TYW1: variants seen among roughly 807,000 people sequenced by gnomAD.
The protein encoded by TYW1 is tRNA-yW synthesizing protein 1 homolog.
In TYW1, 46 loss-of-function variants were observed where a neutral mutation model predicts 96.2. That is an observed-to-expected ratio of 0.48 (90% CI 0.38 to 0.61). TYW1 has a LOEUF of 0.61. TYW1 is among the 20% of genes least tolerant of loss of function. The pLI, the probability that TYW1 is intolerant of heterozygous loss-of-function variation, is 0.00. For synonymous variants in TYW1, 274 were observed against 323.0 expected, an observed-to-expected ratio of 0.85 and a Z score of 1.63; for missense variants, 684 against 909.6, an observed-to-expected ratio of 0.75 and a Z score of 3.19.
chr7:67,082,445 G>T (rs1796418140), intron 10 of TYW1, among the ~76,000 whole-genome samples: 1 of 152,184 alleles, frequency 6.6e-6, no homozygotes, highest in African/African-American at 2.4e-5. Flanking sequence ...GACTGTGGGT[G>T]TTTGTGGAGG....
intron 15 of TYW1, among the ~76,000 whole-genome samples, chr7:67,197,274 T>G (rs565972215): frequency 1.1e-4 from 17 of 152,298 alleles, no homozygotes; most frequent in African/African-American, 3.1e-4. Flanking sequence ...GCCAAGTGTA[T>G]TTTTAAATCC....
intron 13 of TYW1, among the ~76,000 whole-genome samples, chr7:67,153,695 A>G (rs1237757453): frequency 6.6e-6 from 1 of 152,194 alleles, no homozygotes; most frequent in Non-Finnish European, 1.5e-5. Flanking sequence ...AGGAGTATCT[A>G]TTTATAATTT....
intron 11 of TYW1, among the ~76,000 whole-genome samples, chr7:67,086,388 G>A (rs897809553): frequency 6.6e-6 from 1 of 152,148 alleles, no homozygotes; most frequent in Non-Finnish European, 1.5e-5. Flanking sequence ...CCTTTGGAGA[G>A]TGTGTTAGGG....
chr7:67,017,925 T>G lies in TYW1; in HGVS notation c.643T>G (p.Cys215Gly). ...HRVMSRGEGD[C>G]DVVKSKHGSI... ...TGTGATGAGTCGAGGGGAGGGCGAC[T>G]GCGACGTGGTTAAAAGCAAGCACGG... is the stretch of plus-strand genomic sequence containing the variant. Residue 215 changes from cysteine to glycine, a missense_variant, in exon 6 of 16, where the codon TGC becomes GGC. By Grantham distance (159) the Cys-to-Gly change is radical (BLOSUM62 -3). Coordinates refer to ENST00000359626, the MANE Select transcript of TYW1 (RefSeq NM_018264.4). 6.2e-7 allele frequency: 1 copy of G among 1,614,158 alleles called. No individual in the cohort carries two copies. The highest frequency in any genetic ancestry group is 1.3e-5 in the African/African-American group (1 of 75,030).
At chr7:67,118,497 T>A (rs1186692847) in intron 13 of TYW1, among the ~76,000 whole-genome samples, 1 of 152,104 alleles carries the variant, frequency 6.6e-6, no homozygotes, top group Non-Finnish European at 1.5e-5. Context: ...GTGTGACTTT[T>A]AATTGTTTTA....
At chr7:67,157,073 A>G (rs1584631778) in intron 13 of TYW1, among the ~76,000 whole-genome samples, 1 of 152,028 alleles carries the variant, frequency 6.6e-6, no homozygotes, top group African/African-American at 2.4e-5. Flanking sequence ...TCTACTTGCT[A>G]TTCTGGTCCT....
intron 13 of TYW1, among the ~76,000 whole-genome samples, chr7:67,153,384 A>T (rs1049615272): frequency 1.3e-5 from 2 of 152,136 alleles, no homozygotes; most frequent in African/African-American, 4.8e-5. Context: ...TGAACATGGG[A>T]GGTGGAGGTT....
At chr7:67,147,984 A>T (rs1489067062) in intron 13 of TYW1, among the ~76,000 whole-genome samples, 3 of 151,986 alleles carry the variant, frequency 2.0e-5, no homozygotes, top group Admixed American at 2.0e-4. Flanking sequence ...CAAATCAGAG[A>T]TTATTGATGC....
chr7:67,194,795 G>A (rs554208522), intron 14 of TYW1, among the ~76,000 whole-genome samples: 27 of 148,178 alleles, frequency 1.8e-4, no homozygotes, highest in Non-Finnish European at 3.7e-4. Context: ...CCCCATTATT[G>A]TCCTAAGGGG....
Position 67,081,236 on chromosome 7 carries a change from T to TA in TYW1, c.1275-2194_1275-2193insA, listed in dbSNP as rs1265352063. Among the ~76,000 whole-genome samples, 48 of 137,268 alleles carry TA rather than the reference T, an allele frequency of 3.5e-4. 2 individuals carry two copies. The South Asian group carries it at 0.011, about 32-fold the overall frequency. The allele number at this position is 137,268 out of a possible 152,430, so 90.1% of individuals were successfully genotyped here. ...CTTGGTGGTCTTTTTTTTTTTTTTT[T>TA]TTTCCAGCCCTTAGAATATATCATC... On this transcript the variant is annotated intron_variant, in intron 10 of 15. Transcript: ENST00000359626.
chr7:67,153,565 G>C (rs1563043901), intron 13 of TYW1, among the ~76,000 whole-genome samples: 3 of 152,196 alleles, frequency 2.0e-5, no homozygotes, highest in Admixed American at 1.3e-4. Flanking sequence ...AATGTAGTCT[G>C]TTTTTAAGGA....
chr7:67,157,220 C>A (rs1232698160), intron 13 of TYW1, among the ~76,000 whole-genome samples: 1 of 152,110 alleles, frequency 6.6e-6, no homozygotes, highest in African/African-American at 2.4e-5. Flanking sequence ...CAGCACACAC[C>A]GTTTCTGTTA....
intron 15 of TYW1, among the ~76,000 whole-genome samples, chr7:67,199,529 A>C (rs1025909173): frequency 6.6e-6 from 1 of 152,188 alleles, no homozygotes; most frequent in Non-Finnish European, 1.5e-5. Context: ...TGCCTGATAA[A>C]ATGTTTTATT....
At position 66,998,854 on chromosome 7, in the gene TYW1, C is replaced by T. The variant is rs779541864; in HGVS notation, c.173C>T (p.Ala58Val). Residue 58 changes from alanine to valine, a missense_variant, in exon 3 of 16, where the codon GCT becomes GTT. Coordinates refer to ENST00000359626, the MANE Select transcript of TYW1 (RefSeq NM_018264.4). ...CAGGAAAAATCTGTTCCAAAAGCAG[C>T]TCAGGATTTGATGACAAATGGTTAT... is the stretch of plus-strand genomic sequence containing the variant. The part of the protein sequence containing the change: ...NLQEKSVPKA[A>V]QDLMTNGYVS... 40 of 1,614,130 alleles carry T rather than the reference C, an allele frequency of 2.5e-5. No homozygotes were observed. Among genetic ancestry groups the T allele is most frequent in the Non-Finnish European group, 3.4e-5 (40 of 1,180,022 alleles).
intron 13 of TYW1, among the ~76,000 whole-genome samples, chr7:67,165,031 TGTTA>T: frequency 6.6e-6 from 1 of 151,740 alleles, no homozygotes; most frequent in East Asian, 1.9e-4. Flanking sequence ...CATCTTGCCA[TGTTA>T]CTTTTCTAAA....
intron 10 of TYW1, among the ~76,000 whole-genome samples, chr7:67,079,968 A>AT (rs1241135702): frequency 3.9e-5 from 6 of 152,116 alleles, no homozygotes; most frequent in African/African-American, 1.4e-4. Context: ...TAGGATTTTG[A>AT]TTTTTTAACA....
At chr7:67,186,584 C>CCTT (rs1213167159) in intron 14 of TYW1, among the ~76,000 whole-genome samples, 2 of 151,906 alleles carry the variant, frequency 1.3e-5, no homozygotes, top group Non-Finnish European at 2.9e-5. Flanking sequence ...AGCTCCTGGG[C>CCTT]TCAAGTGATC....
intron 13 of TYW1, among the ~76,000 whole-genome samples, chr7:67,138,323 T>A (rs1211608512): frequency 6.6e-6 from 1 of 151,682 alleles, no homozygotes; most frequent in East Asian, 1.9e-4. Flanking sequence ...AAAAGAGTTT[T>A]GTTTTTAAAT....
rs906131884 is a variant in TYW1, at chr7:67,040,464, T to C, written c.985-9485T>C. On this transcript the variant is annotated intron_variant, in intron 7 of 15. Coordinates refer to ENST00000359626, the MANE Select transcript of TYW1 (RefSeq NM_018264.4). ...GACTCTTAATTAAAAATCTGAGTAATTTTCATTGGTGAAATTGTCTGAAAA... is the reference window on the plus strand; with the variant it reads ...GACTCTTAATTAAAAATCTGAGTAACTTTCATTGGTGAAATTGTCTGAAAA... Among the ~76,000 whole-genome samples, 174 of 152,012 alleles carry C rather than the reference T, an allele frequency of 1.1e-3. 2 individuals carry two copies. Among genetic ancestry groups the C allele is most frequent in the Non-Finnish European group, 1.1e-3 (74 of 68,006 alleles).
Sources: gnomAD v4.1 joint callset for allele counts (sites outside exome capture counted in the v4.1 genomes callset) on GRCh38, gnomAD v4.1.1 for gene constraint, MANE v1.5 for transcripts, NCBI Gene and HGNC (gene_info 2026-07-23, HGNC 2026-07-21) for gene names.